RYR2: variants seen among roughly 807,000 people sequenced by gnomAD.
The protein encoded by RYR2 is ryanodine receptor 2.
Under a neutral mutation model 601.1 loss-of-function variants are expected in RYR2, and 227 were observed. The observed-to-expected ratio is 0.38, with a 90% CI of 0.34 to 0.42. RYR2 has a LOEUF of 0.42. Among genes scored for constraint, RYR2 ranks in the 10% least tolerant of loss-of-function variants. The pLI is 1.00. For synonymous variants in RYR2, 2,223 were observed against 2,175.1 expected (o/e 1.02, Z -0.61); for missense variants, 4,646 against 6,156.5 (o/e 0.75, Z 8.21).
intron 2 of RYR2, among the ~76,000 whole-genome samples, chr1:237,289,267 G>GC (rs1330472041): frequency 3.9e-5 from 6 of 152,188 alleles, no homozygotes; most frequent in Middle Eastern, 3.4e-3. Flanking sequence ...AACAATGCGA[G>GC]CCCCCACATA....
chr1:237,614,401 G>A lies in RYR2; in HGVS notation c.5273G>A (p.Arg1758Lys). 1 of 1,613,986 alleles carries A rather than the reference G, an allele frequency of 6.2e-7. No homozygotes were observed. Among genetic ancestry groups the A allele is most frequent in the Non-Finnish European group, 8.5e-7 (1 of 1,179,900 alleles). Reference sequence around the variant, plus strand: ...GGGATCGGCCTCAGCACCTCCCTCAGGCCACGGATGCAGTTTTCCTCCCCC... The same window carrying A: ...GGGATCGGCCTCAGCACCTCCCTCAAGCCACGGATGCAGTTTTCCTCCCCC... ...LPGIGLSTSL[R>K]PRMQFSSPSF... The change falls in exon 37 of 105, where the codon AGG becomes AAG. Residue 1758 changes from arginine (R) to lysine (K), a missense_variant. Coordinates refer to ENST00000366574, the MANE Select transcript of RYR2 (RefSeq NM_001035.3). The surrounding 1 kb of genome is among the most constrained non-coding windows in gnomAD (Gnocchi z 4.3).
intron 82 of RYR2, 90 bp from the exon 83 acceptor site, chr1:237,759,686 T>C (rs1693252391): frequency 2.4e-6 from 2 of 816,922 alleles, no homozygotes; most frequent in Admixed American, 3.5e-5. Flanking sequence ...CTGTCTATTC[T>C]AGAATGGAAA....
intron 71 of RYR2, among the ~76,000 whole-genome samples, chr1:237,713,066 G>A (rs1322230397): frequency 6.6e-6 from 1 of 152,136 alleles, no homozygotes; most frequent in East Asian, 1.9e-4. Flanking sequence ...TTGCTTGGTA[G>A]GCCTAGTCTT....
chr1:237,088,960 G>A lies in RYR2; in HGVS notation c.48+46391G>A, dbSNP rs532172308. Among the ~76,000 whole-genome samples the A allele has an allele frequency of 8.7e-4, 132 of 152,324 alleles. No homozygotes were observed. In the Middle Eastern group the frequency reaches 0.017, roughly 20 times the overall value. The stretch of plus-strand genomic sequence containing the variant: ...TGCCTGAGTTTCCACTGTAACAGGA[G>A]AAGCCTTTTCTATTCCCGAATAACA... On this transcript the variant is annotated intron_variant, in intron 1 of 104. Transcript: ENST00000366574.
Position 237,666,596 on chromosome 1 carries a change from AC to A in RYR2, c.8514+8del. On this transcript the variant is annotated splice_region_variant and intron_variant, in intron 57 of 104. Coordinates refer to ENST00000366574, the MANE Select transcript of RYR2 (RefSeq NM_001035.3). ...ACTATCTAGAGACCTGCATGTAAGT[AC>A]TATTAACTTTTAAAAATAGTCTCCA... 6.2e-7 allele frequency: 1 copy of A among 1,604,354 alleles called. No individual in the cohort carries two copies. Among genetic ancestry groups the A allele is most frequent in the East Asian group, 2.2e-5 (1 of 44,776 alleles).
chr1:237,449,092 G>A (rs902180529), intron 14 of RYR2, among the ~76,000 whole-genome samples: 22 of 152,060 alleles, frequency 1.4e-4, no homozygotes, highest in Admixed American at 3.9e-4. Context: ...ACCCTTACAC[G>A]GGAGCGTGAG....
chr1:237,717,358 G>A lies in RYR2; in HGVS notation c.10484G>A (p.Arg3495Gln). 6.2e-7 allele frequency: 1 copy of A among 1,603,040 alleles called. No homozygotes were observed. The highest frequency in any genetic ancestry group is 2.2e-5 in the East Asian group (1 of 44,634). ...DQELIALAKNRFSLKDTEDEV... is the reference protein window; with the variant it reads ...DQELIALAKNQFSLKDTEDEV... Reference sequence around the variant, plus strand: ...GAGCTCATTGCTCTGGCCAAAAATCGATTTAGCCTGGTAAGTCTCCTTTTC... The same window carrying A: ...GAGCTCATTGCTCTGGCCAAAAATCAATTTAGCCTGGTAAGTCTCCTTTTC... Residue 3495 changes from arginine to glutamine, a missense_variant, in exon 72 of 105, where the codon CGA becomes CAA. Arg to Gln is a conservative substitution (Grantham distance 43). Around this residue, in one of 17 missense-constraint regions of RYR2, gnomAD observed 1,497 missense variants for 1,842.6 expected, o/e 0.81. Transcript: ENST00000366574.
Position 237,474,111 on chromosome 1 carries a change from G to A in RYR2, c.1708+4924G>A, listed in dbSNP as rs559457337. ...GACAGGTGCAGGAAGCTGAGCTGCC[G>A]TCAGCCCTGACTGTCAGCTGTGTGT... On this transcript the variant is annotated intron_variant, in intron 17 of 104. Coordinates refer to ENST00000366574, the MANE Select transcript of RYR2 (RefSeq NM_001035.3). Among the ~76,000 whole-genome samples the A allele has an allele frequency of 1.7e-3, 258 of 151,880 alleles. 2 individuals carry two copies. The highest frequency in any genetic ancestry group is 5.8e-3 in the African/African-American group (239 of 41,468).
At chr1:237,798,201 C>CTT in intron 97 of RYR2, 31 bp downstream of exon 97, 1 of 1,581,392 alleles carries the variant, frequency 6.3e-7, no homozygotes, top group Non-Finnish European at 8.6e-7. Context: ...ATCCTACAGA[C>CTT]TTAGATTGAA....
intron 1 of RYR2, among the ~76,000 whole-genome samples, chr1:237,259,726 C>T (rs1340502398): frequency 1.3e-5 from 2 of 152,096 alleles, no homozygotes; most frequent in Non-Finnish European, 2.9e-5. Flanking sequence ...GGAATTCGTT[C>T]TCTTCTTTTG....
intron 3 of RYR2, among the ~76,000 whole-genome samples, chr1:237,339,360 GTAAT>G (rs1230853547): frequency 6.6e-6 from 1 of 152,028 alleles, no homozygotes; most frequent in African/African-American, 2.4e-5. Context: ...ATTGTTAAAA[GTAAT>G]TAGTGTCTAT....
At chr1:237,208,084 A>C (rs1037069031) in intron 1 of RYR2, among the ~76,000 whole-genome samples, 2 of 152,218 alleles carry the variant, frequency 1.3e-5, no homozygotes, top group Non-Finnish European at 2.9e-5. Flanking sequence ...GTAATAGTTC[A>C]TACACAAGGG....
At chr1:237,322,364 G>A (rs189397585) in intron 2 of RYR2, among the ~76,000 whole-genome samples, 52 of 152,186 alleles carry the variant, frequency 3.4e-4, no homozygotes, top group African/African-American at 1.2e-3. Context: ...TAGACAAGTC[G>A]GAATCTGTTG....
intron 17 of RYR2, among the ~76,000 whole-genome samples, chr1:237,475,333 T>C (rs1230382975): frequency 6.6e-5 from 10 of 152,210 alleles, no homozygotes; most frequent in African/African-American, 1.9e-4. Context: ...TTCTCTTATT[T>C]TGGGGTTCTG....
chr1:237,445,894 G>T (rs778888674), intron 14 of RYR2, among the ~76,000 whole-genome samples: 3 of 152,048 alleles, frequency 2.0e-5, no homozygotes, highest in Non-Finnish European at 2.9e-5. Context: ...TCGGCTCACT[G>T]CATCCTCTGC....
At chr1:237,393,420 A>G (rs562892215) in intron 10 of RYR2, among the ~76,000 whole-genome samples, 3 of 152,296 alleles carry the variant, frequency 2.0e-5, no homozygotes, top group South Asian at 4.1e-4. Flanking sequence ...GATGGATTGG[A>G]TGTAATGAAT....
intron 13 of RYR2, among the ~76,000 whole-genome samples, chr1:237,444,561 T>C (rs1295800172): frequency 6.6e-6 from 1 of 152,212 alleles, no homozygotes; most frequent in Non-Finnish European, 1.5e-5. Context: ...CAAACGGTTC[T>C]ACTTATATAT....
rs779131557 is a variant in RYR2, at chr1:237,550,548, T to C, written c.3071T>C (p.Val1024Ala). The C allele has an allele frequency of 6.2e-7, 1 of 1,609,262 alleles. No homozygotes were observed. The highest frequency in any genetic ancestry group is 8.5e-7 in the Non-Finnish European group (1 of 1,177,886). Residue 1024 changes from valine (V) to alanine (A), a missense_variant, in exon 27 of 105, where the codon GTA becomes GCA. By Grantham distance (64) the Val-to-Ala change is moderately conservative. This residue lies in a region of RYR2 where 1,807 missense variants were observed against 2,088.1 expected (regional missense o/e 0.87). Coordinates refer to ENST00000366574, the MANE Select transcript of RYR2 (RefSeq NM_001035.3). ...GCACCCTGTGTTTTCCTGCAGGACG[T>C]AAAGAACAGAAGAAATCCTCGCCTT... ...QGWTYGIQQDVKNRRNPRLVP... is the reference protein window; with the variant it reads ...QGWTYGIQQDAKNRRNPRLVP...
intron 1 of RYR2, among the ~76,000 whole-genome samples, chr1:237,153,475 G>A (rs1014964125): frequency 3.3e-5 from 5 of 152,054 alleles, no homozygotes; most frequent in South Asian, 2.1e-4. Flanking sequence ...GTTCAACTTG[G>A]CGATAATATT....
Sources: gnomAD v4.1 joint callset for allele counts (sites outside exome capture counted in the v4.1 genomes callset) on GRCh38, gnomAD v4.1.1 for gene constraint, gnomAD v4.1.1 regional missense constraint, Gnocchi (gnomAD v3.1) non-coding constraint, MANE v1.5 for transcripts, NCBI Gene and HGNC (gene_info 2026-07-23, HGNC 2026-07-21) for gene names.